Variants in GALNT13 observed in about 807,000 individuals in gnomAD.
GALNT13 encodes UDP-GalNAc:polypeptide N-acetylgalactosaminyltransferase 13.
GALNT13 carries 28 observed loss-of-function variants against 64.2 expected under a neutral mutation model. That is an observed-to-expected ratio of 0.44 (90% CI 0.32 to 0.60). The LOEUF (loss-of-function observed/expected upper bound fraction) is 0.60, where lower values mean the gene tolerates loss of function less well. GALNT13 is among the 20% of genes least tolerant of loss of function. The probability of loss-of-function intolerance (pLI) is 0.05; values close to 1 mark genes in which losing one functional copy is unlikely to be tolerated. For synonymous variants in GALNT13, 214 were observed against 224.6 expected, an observed-to-expected ratio of 0.95 and a Z score of 0.42; for missense variants, 577 against 669.8, an observed-to-expected ratio of 0.86 and a Z score of 1.53.
At chr2:154,393,344 TCA>T (rs1237153868) in intron 9 of GALNT13, among the ~76,000 whole-genome samples, 1 of 152,196 alleles carries the variant, frequency 6.6e-6, no homozygotes, top group Non-Finnish European at 1.5e-5. Context: ...AAGAAAGCTC[TCA>T]TACTTGCTTT....
At chr2:154,311,262 C>T (rs1694020435) in intron 9 of GALNT13, among the ~76,000 whole-genome samples, 1 of 151,972 alleles carries the variant, frequency 6.6e-6, no homozygotes, top group African/African-American at 2.4e-5. Flanking sequence ...GGGGGTCCTG[C>T]CCCGATAATC....
At chr2:153,435,370 T>G in the GALNT13 span, among the ~76,000 whole-genome samples, 2 of 152,138 alleles carry the variant, frequency 1.3e-5, no homozygotes, top group Non-Finnish European at 2.9e-5. Context: ...GTGAAGAAAG[T>G]CATTGGTAGC....
At chr2:153,933,679 C>T (rs1690690867) in intron 2 of GALNT13, among the ~76,000 whole-genome samples, 2 of 151,950 alleles carry the variant, frequency 1.3e-5, no homozygotes, top group South Asian at 2.1e-4. Context: ...TGTTTTATAG[C>T]GTCAGTGGGC....
chr2:153,806,111 A>G, the GALNT13 span, among the ~76,000 whole-genome samples: 1 of 152,042 alleles, frequency 6.6e-6, no homozygotes, highest in Non-Finnish European at 1.5e-5. Context: ...TTCTCATGAA[A>G]ATACTAGGAT....
Position 153,905,050 on chromosome 2 carries a change from CT to C in GALNT13, c.-105+4048del, listed in dbSNP as rs566834505. Among the ~76,000 whole-genome samples, 381 of 151,986 alleles carry C rather than the reference CT, an allele frequency of 2.5e-3. 1 individual carries two copies. Among genetic ancestry groups the C allele is most frequent in the Non-Finnish European group, 4.2e-3 (287 of 67,872 alleles). On this transcript the variant is annotated intron_variant, in intron 2 of 12. Coordinates refer to ENST00000392825, the MANE Select transcript of GALNT13 (RefSeq NM_052917.4). ...TATAACACTATTTTAACTATGGCTA[CT>C]TTTTAAATATTCTTAATATCTATTA...
the GALNT13 span, among the ~76,000 whole-genome samples, chr2:153,763,296 G>A: frequency 6.6e-6 from 1 of 152,214 alleles, no homozygotes; most frequent in South Asian, 2.1e-4. Context: ...AGTCATTCCG[G>A]TAGGTCAGGC....
the GALNT13 span, among the ~76,000 whole-genome samples, chr2:153,262,515 G>C: frequency 1.3e-5 from 2 of 152,124 alleles, no homozygotes; most frequent in Non-Finnish European, 2.9e-5. Flanking sequence ...CTTTAGGCCA[G>C]TATCCGTGAT....
intron 4 of GALNT13, among the ~76,000 whole-genome samples, chr2:154,176,239 TATTA>T (rs1685640775): frequency 7.4e-6 from 1 of 135,754 alleles, no homozygotes; most frequent in Non-Finnish European, 1.6e-5. Context: ...AGAACATATA[TATTA>T]TTTATTTATT....
At position 154,359,896 on chromosome 2, in the gene GALNT13, T is replaced by C. The variant is rs550731605; in HGVS notation, c.1157-36095T>C. Among the ~76,000 whole-genome samples the C allele has an allele frequency of 9.2e-5, 14 of 152,238 alleles. 1 individual carries two copies. Among genetic ancestry groups the C allele is most frequent in the African/African-American group, 2.9e-4 (12 of 41,572 alleles). On this transcript the variant is annotated intron_variant, in intron 9 of 12. Coordinates refer to ENST00000392825, the MANE Select transcript of GALNT13 (RefSeq NM_052917.4). ...AGAATGGCTATTTTCTTTAACTTAATGTAATAGAATGCTGTCTAAGGCAAT... is the reference window on the plus strand; with the variant it reads ...AGAATGGCTATTTTCTTTAACTTAACGTAATAGAATGCTGTCTAAGGCAAT...
chr2:153,915,749 T>A (rs769779207), intron 2 of GALNT13, among the ~76,000 whole-genome samples: 3 of 152,162 alleles, frequency 2.0e-5, no homozygotes, highest in Non-Finnish European at 4.4e-5. Flanking sequence ...TTTCCAGTAG[T>A]TTGAGATGAC....
intron 3 of GALNT13, among the ~76,000 whole-genome samples, chr2:153,977,880 A>C (rs1007643634): frequency 1.3e-5 from 2 of 151,994 alleles, no homozygotes; most frequent in African/African-American, 2.4e-5. Flanking sequence ...CATATCCACT[A>C]CCTATTGAAG....
At chr2:153,173,818 A>T in the GALNT13 span, among the ~76,000 whole-genome samples, 1 of 152,188 alleles carries the variant, frequency 6.6e-6, no homozygotes, top group Non-Finnish European at 1.5e-5. Flanking sequence ...CAAATCAATT[A>T]TGGGTGAGAC....
At chr2:153,103,054 C>T in the GALNT13 span, among the ~76,000 whole-genome samples, 1 of 152,134 alleles carries the variant, frequency 6.6e-6, no homozygotes, top group Non-Finnish European at 1.5e-5. Flanking sequence ...TTGCACCTCC[C>T]TCCCCACCCT....
chr2:153,392,145 A>G, the GALNT13 span, among the ~76,000 whole-genome samples: 1 of 149,606 alleles, frequency 6.7e-6, no homozygotes, highest in East Asian at 1.9e-4. Flanking sequence ...AATATATACT[A>G]CATTTTATAT....
chr2:154,171,953 T>A (rs982332016), intron 4 of GALNT13, among the ~76,000 whole-genome samples: 2 of 143,662 alleles, frequency 1.4e-5, no homozygotes, highest in Non-Finnish European at 3.0e-5. Flanking sequence ...AATACAAAAA[T>A]TAAATCTTTC....
intron 4 of GALNT13, among the ~76,000 whole-genome samples, chr2:154,206,491 C>T (rs1025083974): frequency 1.3e-5 from 2 of 151,738 alleles, no homozygotes; most frequent in African/African-American, 4.8e-5. Flanking sequence ...TCACAGTTAT[C>T]TAGGGGTACA....
chr2:153,173,304 C>A, the GALNT13 span: 2 of 152,016 alleles, frequency 1.3e-5, no homozygotes, highest in Non-Finnish European at 2.9e-5. Flanking sequence ...GAATGGTCAC[C>A]CCTGGGATGC....
chr2:153,453,663 T>G, the GALNT13 span, among the ~76,000 whole-genome samples: 1 of 152,196 alleles, frequency 6.6e-6, no homozygotes, highest in Non-Finnish European at 1.5e-5. Flanking sequence ...TTTACACTGT[T>G]GGAGGGAATG....
chr2:154,384,318 C>T (rs1208376162), intron 9 of GALNT13, among the ~76,000 whole-genome samples: 1 of 151,762 alleles, frequency 6.6e-6, no homozygotes, highest in Non-Finnish European at 1.5e-5. Context: ...ATGTGAATGC[C>T]TTTGGTTATT....
Sources: allele counts gnomAD v4.1 joint callset (sites outside exome capture counted in the v4.1 genomes callset), GRCh38; gene constraint gnomAD v4.1.1; transcripts MANE v1.5; gene names NCBI Gene and HGNC (gene_info 2026-07-23, HGNC 2026-07-21).